The following NECTIN2 variants were observed in gnomAD, a reference collection of about 807,000 sequenced individuals.
The protein encoded by NECTIN2 is nectin-2.
A neutral mutation model predicts 56.9 loss-of-function variants in NECTIN2; 23 were observed. The ratio of observed to expected loss-of-function variants is 0.40; its 90% CI spans 0.29 to 0.57. The LOEUF (loss-of-function observed/expected upper bound fraction) is 0.57. Ranked by LOEUF, NECTIN2 falls within the 20% of genes least tolerant of loss-of-function variation. The pLI, the probability that NECTIN2 is intolerant of heterozygous loss-of-function variation, is 0.38. For synonymous variants in NECTIN2, 302 were observed against 313.8 expected, an observed-to-expected ratio of 0.96 and a Z score of 0.40; for missense variants, 587 against 718.3, an observed-to-expected ratio of 0.82 and a Z score of 2.09.
chr19:44,858,175 G>T (rs1026964953), intron 1 of NECTIN2, among the ~76,000 whole-genome samples: 1 of 152,024 alleles, frequency 6.6e-6, no homozygotes, highest in Non-Finnish European at 1.5e-5. Context: ...GTTGGGTGGG[G>T]GTGGCCCCTC....
intron 2 of NECTIN2, among the ~76,000 whole-genome samples, chr19:44,870,888 C>G (rs1969166797): frequency 6.6e-6 from 1 of 152,106 alleles, no homozygotes; most frequent in Non-Finnish European, 1.5e-5. Flanking sequence ...TGCCACCACG[C>G]CCAGCTAATT....
chr19:44,853,281 C>T (rs1228602734), intron 1 of NECTIN2, among the ~76,000 whole-genome samples: 4 of 152,082 alleles, frequency 2.6e-5, no homozygotes, highest in Non-Finnish European at 1.5e-5. Context: ...ACTGCAAGCT[C>T]TGCCTCCCAG....
intron 5 of NECTIN2, chr19:44,878,600 C>G (rs139703202): frequency 6.2e-7 from 1 of 1,603,306 alleles, no homozygotes; most frequent in Admixed American, 1.7e-5. Flanking sequence ...CCTCATCTCA[C>G]GGCGGGCAGT....
At chr19:44,864,019 C>CG (rs1046747134) in intron 1 of NECTIN2, among the ~76,000 whole-genome samples, 4 of 151,396 alleles carry the variant, frequency 2.6e-5, no homozygotes, top group African/African-American at 7.3e-5. Flanking sequence ...GATTCCCCCC[C>CG]CCCAAAAAAA....
intron 2 of NECTIN2, among the ~76,000 whole-genome samples, chr19:44,868,907 GTCT>G (rs1460181762): frequency 1.5e-5 from 2 of 134,900 alleles, no homozygotes; most frequent in Admixed American, 8.1e-5. Context: ...GTGAGACTCT[GTCT>G]GGAAAAAAAA....
chr19:44,858,809 AT>A (rs1468558830), intron 1 of NECTIN2, among the ~76,000 whole-genome samples: 1 of 149,384 alleles, frequency 6.7e-6, no homozygotes, highest in Admixed American at 6.7e-5. Flanking sequence ...CACCCAGATA[AT>A]TTTTCTATTT....
intron 1 of NECTIN2, among the ~76,000 whole-genome samples, chr19:44,850,796 G>A (rs1184688434): frequency 6.6e-6 from 1 of 152,168 alleles, no homozygotes; most frequent in South Asian, 2.1e-4. Context: ...GTTGGGCACT[G>A]TGATTAATAC....
rs1568595128 is a variant in NECTIN2, at chr19:44,872,159, TCGGGGGTGACCCCTCCCC to T, written c.775+12_775+29del. The T allele has an allele frequency of 1.2e-6, 2 of 1,608,444 alleles. No individual in the cohort carries two copies. The highest frequency in any genetic ancestry group is 3.3e-5 in the Admixed American group (2 of 59,914). ...ACCCTCTCTGTACGCTGTGAGTGTA[TCGGGGGTGACCCCTCCCC>T]CATCAAAACTGCCTACACTGGCTTC... is the stretch of plus-strand genomic sequence containing the variant. On this transcript the variant is annotated intron_variant, in intron 3 of 8. Transcript: ENST00000252483.
intron 2 of NECTIN2, among the ~76,000 whole-genome samples, chr19:44,868,428 A>AT (rs34165484): frequency 0.19 from 26,599 of 142,326 alleles, 2,907 homozygotes; most frequent in East Asian, 0.49. Flanking sequence ...GGCAGGGAAG[A>AT]TTTTTTTTGA....
chr19:44,846,525 C>T lies in NECTIN2; in HGVS notation c.-1C>T. The T allele has an allele frequency of 6.6e-7, 1 of 1,515,546 alleles. No homozygotes were observed. Among genetic ancestry groups the T allele is most frequent in the Non-Finnish European group, 8.8e-7 (1 of 1,138,836 alleles). 93.9% of individuals were successfully genotyped at this position (1,515,546 alleles called of 1,614,324 possible). A position where few individuals can be genotyped will look rare whatever the true frequency, so the allele number is the denominator to read the frequency against. ...GGGCCCAGTCCCCTCCCGGGCCCTC[C>T]ATGGCCCGGGCCGCTGCCCTCCTGC... On this transcript the variant is annotated 5_prime_UTR_variant, in exon 1 of 9. Transcript: ENST00000252483.
intron 1 of NECTIN2, among the ~76,000 whole-genome samples, chr19:44,853,808 G>A (rs1968931126): frequency 6.6e-6 from 1 of 152,102 alleles, no homozygotes; most frequent in Non-Finnish European, 1.5e-5. Flanking sequence ...TCATTCATTC[G>A]TTATTCAGCA....
At chr19:44,887,626 CAA>C (rs767153019) in intron 8 of NECTIN2, among the ~76,000 whole-genome samples, 4 of 151,774 alleles carry the variant, frequency 2.6e-5, no homozygotes, top group Non-Finnish European at 2.9e-5. Flanking sequence ...GCCTGGGAGA[CAA>C]GAGCAAAACT....
intron 8 of NECTIN2, among the ~76,000 whole-genome samples, chr19:44,886,882 T>A (rs1334438058): frequency 6.6e-6 from 1 of 151,614 alleles, no homozygotes; most frequent in African/African-American, 2.4e-5. Context: ...ACATTTTGCG[T>A]CTACAAAAAT....
intron 6 of NECTIN2, among the ~76,000 whole-genome samples, chr19:44,885,729 G>GT (rs1969353704): frequency 6.6e-6 from 1 of 152,196 alleles, no homozygotes; most frequent in Admixed American, 6.6e-5. Flanking sequence ...GTATGTCCGT[G>GT]TAACAGGAAT....
At chr19:44,880,488 T>C (rs1223045767) in intron 5 of NECTIN2, among the ~76,000 whole-genome samples, 1 of 135,666 alleles carries the variant, frequency 7.4e-6, no homozygotes, top group African/African-American at 2.8e-5. Flanking sequence ...TTTTTTTTTT[T>C]TTTTTTTTTT....
chr19:44,859,397 G>A (rs1273634055), intron 1 of NECTIN2, among the ~76,000 whole-genome samples: 1 of 152,180 alleles, frequency 6.6e-6, no homozygotes, highest in Non-Finnish European at 1.5e-5. Context: ...CTGAGGCACA[G>A]AGAGGTTAAG....
At chr19:44,885,858 G>T (rs1199443591) in intron 6 of NECTIN2, 79 bp from the exon 7 acceptor site, 11 of 1,197,394 alleles carry the variant, frequency 9.2e-6, no homozygotes, top group African/African-American at 3.0e-5. Flanking sequence ...CAGGTAGAGG[G>T]AACAGCATGT....
intron 6 of NECTIN2, among the ~76,000 whole-genome samples, chr19:44,884,339 G>A (rs12972970): frequency 0.1 from 15,737 of 152,006 alleles, 1,030 homozygotes; most frequent in Non-Finnish European, 0.14. Flanking sequence ...TATTTTTGTA[G>A]AGACAGGGTT....
chr19:44,857,418 T>C (rs1599910488), intron 1 of NECTIN2, among the ~76,000 whole-genome samples: 3 of 152,078 alleles, frequency 2.0e-5, no homozygotes, highest in Admixed American at 1.3e-4. Flanking sequence ...TTTTTTTTTT[T>C]TGAGACGGAG....
Sources: gnomAD v4.1 joint callset for allele counts (sites outside exome capture counted in the v4.1 genomes callset) on GRCh38, gnomAD v4.1.1 for gene constraint, MANE v1.5 for transcripts, NCBI Gene and HGNC (gene_info 2026-07-23, HGNC 2026-07-21) for gene names.